Variants in ENOX1 observed in about 807,000 individuals in gnomAD.
ENOX1 encodes ecto-NOX disulfide-thiol exchanger 1, also known as candidate growth-related and time keeping constitutive hydroquinone (NADH) oxidase.
In ENOX1, 42 loss-of-function variants were observed where a neutral mutation model predicts 82.5. That is an observed-to-expected ratio of 0.51 (90% CI 0.40 to 0.66). The LOEUF (loss-of-function observed/expected upper bound fraction) is 0.66, where lower values mean the gene tolerates loss of function less well. Ranked by LOEUF, ENOX1 falls within the 30% of genes least tolerant of loss-of-function variation. The probability of loss-of-function intolerance (pLI) is 0.00; values close to 1 mark genes in which losing one functional copy is unlikely to be tolerated. For missense variants in ENOX1, 608 were observed against 811.6 expected (o/e 0.75, Z 3.05); for synonymous variants, 271 against 282.2 (o/e 0.96, Z 0.40).
chr13:43,575,890 G>A (rs2080400315), intron 2 of ENOX1, among the ~76,000 whole-genome samples: 1 of 152,180 alleles, frequency 6.6e-6, no homozygotes, highest in Non-Finnish European at 1.5e-5. Context: ...GGAGGTAAAT[G>A]CCTGGGCAAA....
At chr13:43,714,977 C>G (rs1020548795) in intron 1 of ENOX1, among the ~76,000 whole-genome samples, 7 of 152,174 alleles carry the variant, frequency 4.6e-5, no homozygotes, top group Non-Finnish European at 8.8e-5. Context: ...TGATTTTGCT[C>G]GTTAGTTGAT....
chr13:43,780,854 C>A (rs1050690891), intron 1 of ENOX1, among the ~76,000 whole-genome samples: 3 of 152,194 alleles, frequency 2.0e-5, no homozygotes, highest in South Asian at 4.1e-4. Context: ...CTACTGAAGT[C>A]ATTACAGACC....
At chr13:43,248,735 G>C (rs1483353392) in intron 14 of ENOX1, among the ~76,000 whole-genome samples, 1 of 151,652 alleles carries the variant, frequency 6.6e-6, no homozygotes, top group Non-Finnish European at 1.5e-5. Flanking sequence ...AATATACAAA[G>C]TAAAGATTAA....
At chr13:43,616,204 A>ATATATTTTTTTT (rs1457149422) in intron 2 of ENOX1, among the ~76,000 whole-genome samples, 1 of 15,300 alleles carries the variant, frequency 6.5e-5, no homozygotes, top group Non-Finnish European at 2.1e-4. Flanking sequence ...ATATATATAT[A>ATATATTTTTTTT]TTTTTTTTTT....
intron 5 of ENOX1, among the ~76,000 whole-genome samples, chr13:43,409,407 A>G (rs2053986306): frequency 6.6e-6 from 1 of 152,174 alleles, no homozygotes; most frequent in Non-Finnish European, 1.5e-5. Context: ...GCAAAATATT[A>G]TTTGCTTTAA....
intron 1 of ENOX1, among the ~76,000 whole-genome samples, chr13:43,785,191 C>G (rs529230282): frequency 1.6e-4 from 25 of 152,312 alleles, no homozygotes; most frequent in South Asian, 1.4e-3. Flanking sequence ...AGTGGCAACG[C>G]TAGTAAAACA....
chr13:43,585,035 G>T (rs1448953508), intron 2 of ENOX1, among the ~76,000 whole-genome samples: 1 of 152,100 alleles, frequency 6.6e-6, no homozygotes, highest in Non-Finnish European at 1.5e-5. Flanking sequence ...ATCTCATAAG[G>T]CAAAAAGGAT....
chr13:43,543,462 GATTT>G (rs2078833672), intron 2 of ENOX1, among the ~76,000 whole-genome samples: 1 of 151,768 alleles, frequency 6.6e-6, no homozygotes. Flanking sequence ...TTTGTGTGTT[GATTT>G]ATCATATAAA....
chr13:43,470,341 C>CGTATATATACAT (rs2057976662), intron 3 of ENOX1, among the ~76,000 whole-genome samples: 3 of 8,050 alleles, frequency 3.7e-4, no homozygotes, highest in Middle Eastern at 0.056. Flanking sequence ...TATATATATA[C>CGTATATATACAT]GTATATATAT....
intron 1 of ENOX1, among the ~76,000 whole-genome samples, chr13:43,696,342 T>G (rs2086638786): frequency 6.6e-6 from 1 of 152,242 alleles, no homozygotes; most frequent in Non-Finnish European, 1.5e-5. Context: ...ATGTGGTAAC[T>G]CTACGTTTAA....
intron 9 of ENOX1, among the ~76,000 whole-genome samples, chr13:43,336,779 T>G (rs2048739767): frequency 6.6e-6 from 1 of 152,214 alleles, no homozygotes; most frequent in Non-Finnish European, 1.5e-5. Context: ...GATTACTGGT[T>G]AAACCCTTTT....
Position 43,250,561 on chromosome 13 carries a change from T to A in ENOX1, c.1612-13823A>T, listed in dbSNP as rs549375422. Among the ~76,000 whole-genome samples, 12 of 152,346 alleles carry A rather than the reference T, an allele frequency of 7.9e-5. No individual in the cohort carries two copies. In the South Asian group the frequency reaches 2.5e-3, roughly 32 times the overall value. ...ACCAGAGTCTCACAATTACTAATGA[T>A]GTATTTTCTTTTGGGGGCTGAATGG... is the stretch of plus-strand genomic sequence containing the variant. On this transcript the variant is annotated intron_variant, in intron 14 of 16. Transcript: ENST00000690772.
In ENOX1 at chr13:43,343,867, T is replaced by A. The variant is rs562020548; in HGVS notation, c.1036+671A>T. ...ACAGATAGAGTGCCCATAAAAAAAA[T>A]ATACGCCCTTTTTTTGAATAGAGCC... On this transcript the variant is annotated intron_variant, in intron 9 of 16. Transcript: ENST00000690772. Among the ~76,000 whole-genome samples, 280 of 152,038 alleles carry A rather than the reference T, an allele frequency of 1.8e-3. 2 individuals carry two copies. Among genetic ancestry groups the A allele is most frequent in the African/African-American group, 6.5e-3 (270 of 41,446 alleles).
chr13:43,448,933 G>A (rs1168674368), intron 3 of ENOX1, among the ~76,000 whole-genome samples: 1 of 152,166 alleles, frequency 6.6e-6, no homozygotes, highest in Non-Finnish European at 1.5e-5. Flanking sequence ...CGAGAAATCC[G>A]CACCATCTTA....
intron 1 of ENOX1, among the ~76,000 whole-genome samples, chr13:43,764,823 C>G (rs184390936): frequency 4.6e-5 from 7 of 152,162 alleles, no homozygotes; most frequent in African/African-American, 1.7e-4. Flanking sequence ...ACTTTTCAAT[C>G]AGAAGAAACA....
chr13:43,708,455 G>A (rs907610583), intron 1 of ENOX1, among the ~76,000 whole-genome samples: 1 of 152,090 alleles, frequency 6.6e-6, no homozygotes, highest in African/African-American at 2.4e-5. Flanking sequence ...TTTTGTTCCT[G>A]CTCTAAAACT....
intron 2 of ENOX1, among the ~76,000 whole-genome samples, chr13:43,627,904 T>G (rs2083035702): frequency 1.3e-5 from 2 of 152,082 alleles, no homozygotes; most frequent in Admixed American, 1.3e-4. Flanking sequence ...AGTTGATAAT[T>G]TTTCTTTCAG....
chr13:43,609,976 A>C, intron 2 of ENOX1: 1 of 838,668 alleles, frequency 1.2e-6, no homozygotes, highest in Non-Finnish European at 1.4e-6. Flanking sequence ...GAGTTGTTTT[A>C]TCAGGAAATA....
chr13:43,356,318 T>C lies in ENOX1; in HGVS notation c.590-166A>G, dbSNP rs577572005. The stretch of plus-strand genomic sequence containing the variant: ...ACAATTATCCTTTTCCCCAGCAATC[T>C]TGAAGCTCTGTAAAGTTAGGCCTAT... On this transcript the variant is annotated intron_variant, in intron 7 of 16. Coordinates refer to ENST00000690772, the MANE Select transcript of ENOX1 (RefSeq NM_001347969.2). Among the ~76,000 whole-genome samples, 7 of 152,302 alleles carry C rather than the reference T, an allele frequency of 4.6e-5. No homozygotes were observed. In the East Asian group the frequency reaches 1.4e-3, roughly 29 times the overall value.
Sources: gnomAD v4.1 joint callset for allele counts (sites outside exome capture counted in the v4.1 genomes callset) on GRCh38, gnomAD v4.1.1 for gene constraint, MANE v1.5 for transcripts, NCBI Gene and HGNC (gene_info 2026-07-23, HGNC 2026-07-21) for gene names.